The following KLHL1 variants were observed in gnomAD, a reference collection of about 807,000 sequenced individuals.
KLHL1 encodes kelch like family member 1, also known as kelch-like protein 1.
Under a neutral mutation model 77.7 loss-of-function variants are expected in KLHL1, and 47 were observed. The observed-to-expected ratio is 0.60, with a 90% confidence interval of 0.48 to 0.77. The LOEUF (loss-of-function observed/expected upper bound fraction) is 0.77. KLHL1 is among the 30% of genes least tolerant of loss of function. The pLI is 0.00. For synonymous variants in KLHL1, 360 were observed against 325.2 expected, an observed-to-expected ratio of 1.11 and a Z score of -1.15; for missense variants, 925 against 910.8, an observed-to-expected ratio of 1.02 and a Z score of -0.20.
intron 1 of KLHL1, among the ~76,000 whole-genome samples, chr13:70,072,852 G>T (rs528608787): frequency 2.4e-4 from 37 of 152,124 alleles, no homozygotes; most frequent in Admixed American, 2.6e-4. Context: ...CATACTAATG[G>T]ATTAAGTGTG....
chr13:70,087,738 T>C (rs180958114), intron 1 of KLHL1, among the ~76,000 whole-genome samples: 11 of 152,018 alleles, frequency 7.2e-5, no homozygotes, highest in African/African-American at 2.7e-4. Flanking sequence ...TCTGATGGAG[T>C]AATAAAATAG....
In KLHL1 at chr13:70,107,583, T is replaced by C. The variant is rs111444961; in HGVS notation, c.117A>G (p.Gln39=). The part of the protein sequence containing the change: ...TGGPAGGGCL[Q]QDGSGSFEHW... ...GCTCAAAGCTGCCACTGCCGTCCTG[T>C]TGCAGGCAGCCTCCCCCCGCCGGGC... Residue 39 remains glutamine (Q), a synonymous_variant, in exon 1 of 11, where the codon CAA becomes CAG. Transcript: ENST00000377844. 6.2e-7 allele frequency: 1 copy of C among 1,603,552 alleles called. No individual in the cohort carries two copies. The highest frequency in any genetic ancestry group is 1.1e-5 in the South Asian group (1 of 89,504).
chr13:69,986,734 A>C (rs1479924119), intron 1 of KLHL1, among the ~76,000 whole-genome samples: 1 of 151,962 alleles, frequency 6.6e-6, no homozygotes, highest in Admixed American at 6.6e-5. Context: ...TTGCTTACAT[A>C]ATTCTATACT....
At chr13:69,718,518 T>C (rs1872880008) in intron 9 of KLHL1, among the ~76,000 whole-genome samples, 1 of 152,056 alleles carries the variant, frequency 6.6e-6, no homozygotes, top group Non-Finnish European at 1.5e-5. Flanking sequence ...TAAAGTTATT[T>C]GTTAGAGTAG....
chr13:69,960,851 C>G (rs1387146010), intron 3 of KLHL1, among the ~76,000 whole-genome samples: 1 of 151,908 alleles, frequency 6.6e-6, no homozygotes, highest in Non-Finnish European at 1.5e-5. Context: ...CTCTAAGTAC[C>G]TTTATTGTCC....
At chr13:69,997,833 A>G (rs1003560505) in intron 1 of KLHL1, among the ~76,000 whole-genome samples, 2 of 149,930 alleles carry the variant, frequency 1.3e-5, no homozygotes, top group African/African-American at 2.4e-5. Flanking sequence ...TATATCTCAC[A>G]TATTCTTTAT....
intron 3 of KLHL1, among the ~76,000 whole-genome samples, chr13:69,956,573 A>G (rs1328775632): frequency 6.6e-6 from 1 of 151,494 alleles, no homozygotes; most frequent in Non-Finnish European, 1.5e-5. Context: ...AACTCGTATC[A>G]TAACTGATAC....
intron 10 of KLHL1, among the ~76,000 whole-genome samples, chr13:69,704,375 C>T (rs1335488672): frequency 6.6e-6 from 1 of 151,632 alleles, no homozygotes; most frequent in Non-Finnish European, 1.5e-5. Context: ...ATTCAGTCTT[C>T]CACATAGCTC....
chr13:70,070,138 G>A (rs1004394127), intron 1 of KLHL1, among the ~76,000 whole-genome samples: 1 of 148,922 alleles, frequency 6.7e-6, no homozygotes, highest in East Asian at 2.0e-4. Flanking sequence ...GGGTGACAGA[G>A]TGAGACTCGT....
chr13:69,833,434 T>C (rs1878845079), intron 6 of KLHL1, among the ~76,000 whole-genome samples: 1 of 149,944 alleles, frequency 6.7e-6, no homozygotes, highest in Non-Finnish European at 1.5e-5. Flanking sequence ...AGAATGGCTA[T>C]TGTCAAAAAA....
At chr13:70,030,557 C>A (rs1269931329) in intron 1 of KLHL1, among the ~76,000 whole-genome samples, 1 of 152,080 alleles carries the variant, frequency 6.6e-6, no homozygotes, top group Admixed American at 6.6e-5. Flanking sequence ...AGAACAAAGA[C>A]ACAACATACC....
At chr13:69,772,766 T>G (rs1249646612) in intron 7 of KLHL1, among the ~76,000 whole-genome samples, 1 of 152,178 alleles carries the variant, frequency 6.6e-6, no homozygotes, top group Admixed American at 6.6e-5. Context: ...GTGTTGTTTC[T>G]GAATAAAGTG....
At chr13:69,960,003 C>T (rs1003499893) in intron 3 of KLHL1, among the ~76,000 whole-genome samples, 3 of 151,508 alleles carry the variant, frequency 2.0e-5, no homozygotes, top group Admixed American at 6.6e-5. Context: ...TTGTCTAGAA[C>T]GATTTTCTCT....
intron 4 of KLHL1, among the ~76,000 whole-genome samples, chr13:69,916,346 T>C (rs1882435601): frequency 6.6e-6 from 1 of 151,888 alleles, no homozygotes; most frequent in African/African-American, 2.4e-5. Context: ...AACCCAAATG[T>C]CCAACAATGA....
intron 5 of KLHL1, among the ~76,000 whole-genome samples, chr13:69,841,188 T>C (rs1048737876): frequency 5.3e-5 from 8 of 151,792 alleles, no homozygotes; most frequent in African/African-American, 1.9e-4. Flanking sequence ...CATCTCATAT[T>C]CAACATAGTA....
intron 1 of KLHL1, among the ~76,000 whole-genome samples, chr13:69,985,626 C>T (rs1443442205): frequency 6.6e-6 from 1 of 151,340 alleles, no homozygotes; most frequent in Non-Finnish European, 1.5e-5. Flanking sequence ...AGCAATTCCA[C>T]TACAGGGTAT....
At chr13:69,858,942 T>C (rs1001029882) in intron 5 of KLHL1, among the ~76,000 whole-genome samples, 38 of 152,222 alleles carry the variant, frequency 2.5e-4, no homozygotes, top group African/African-American at 8.4e-4. Flanking sequence ...ACATTTCTCT[T>C]GTTCTTTCTC....
intron 7 of KLHL1, among the ~76,000 whole-genome samples, chr13:69,748,057 C>A (rs1874295180): frequency 2.0e-5 from 3 of 152,048 alleles, no homozygotes; most frequent in South Asian, 2.1e-4. Flanking sequence ...ACTGGAGATA[C>A]AATAGAGCCT....
At chr13:69,900,330 C>T (rs1040823029) in intron 4 of KLHL1, among the ~76,000 whole-genome samples, 5 of 152,234 alleles carry the variant, frequency 3.3e-5, no homozygotes, top group Non-Finnish European at 7.4e-5. Context: ...CGTTAAACAC[C>T]AGCTTTGAAT....
Sources: gnomAD v4.1 joint callset for allele counts (sites outside exome capture counted in the v4.1 genomes callset) on GRCh38, gnomAD v4.1.1 for gene constraint, MANE v1.5 for transcripts, NCBI Gene and HGNC (gene_info 2026-07-23, HGNC 2026-07-21) for gene names.